The following TTC7A variants were observed in gnomAD, a reference collection of about 807,000 sequenced individuals.
TTC7A encodes the protein tetratricopeptide repeat protein 7A.
A neutral mutation model predicts 103.7 loss-of-function variants in TTC7A; 110 were observed. The observed-to-expected ratio is 1.06, with a 90% CI of 0.91 to 1.24. The LOEUF (loss-of-function observed/expected upper bound fraction) is 1.24. TTC7A is among the 50% of genes most tolerant of loss of function. The pLI is 0.00. For missense variants in TTC7A, 1,340 were observed against 1,116.3 expected (o/e 1.20, Z -2.86); for synonymous variants, 521 against 467.9 (o/e 1.11, Z -1.47).
intron 19 of TTC7A, chr2:47,067,817 T>C (rs1252578489): frequency 6.6e-6 from 1 of 152,260 alleles, no homozygotes; most frequent in African/African-American, 2.4e-5. Flanking sequence ...TGTTTTTCAC[T>C]TTGAAGCATA....
intron 1 of TTC7A, among the ~76,000 whole-genome samples, chr2:46,944,983 GT>G (rs1670808063): frequency 6.6e-6 from 1 of 152,160 alleles, no homozygotes; most frequent in Admixed American, 6.5e-5. Flanking sequence ...TTAGGTCTCT[GT>G]ACCCCACCCA....
chr2:46,958,364 T>C (rs1672071407), intron 3 of TTC7A: 1 of 613,690 alleles, frequency 1.6e-6, no homozygotes, highest in Non-Finnish European at 2.8e-6. Flanking sequence ...GTCTTTCGGG[T>C]CTCTTAGAAA....
rs1417579293 is a variant in TTC7A at position 46,950,530 on chromosome 2, A to G, written c.348+4A>G. 4 of 1,613,906 alleles carry G rather than the reference A, an allele frequency of 2.5e-6. No individual in the cohort carries two copies. In the Admixed American group the frequency reaches 6.7e-5, roughly 27 times the overall value. On this transcript the variant is annotated splice_donor_region_variant and intron_variant, in intron 2 of 19. Transcript: ENST00000319190. ...CCTTAACCATGGGAGGCTCTCGGTAAGTCGTCAGCCTTCAAGCCTGAGACC... is the reference window on the plus strand; with the variant it reads ...CCTTAACCATGGGAGGCTCTCGGTAGGTCGTCAGCCTTCAAGCCTGAGACC...
intron 16 of TTC7A, among the ~76,000 whole-genome samples, chr2:47,049,062 T>TA (rs1008845931): frequency 2.0e-5 from 3 of 152,164 alleles, no homozygotes; most frequent in Admixed American, 6.5e-5. Flanking sequence ...GAGCCTGAGT[T>TA]ACGATGGCAA....
At chr2:46,980,643 G>GC (rs1438950651) in intron 5 of TTC7A, among the ~76,000 whole-genome samples, 1 of 152,174 alleles carries the variant, frequency 6.6e-6, no homozygotes, top group Non-Finnish European at 1.5e-5. Context: ...TAACCGTCAG[G>GC]CTTGATCTGG....
intron 3 of TTC7A, among the ~76,000 whole-genome samples, chr2:46,965,124 A>G (rs1672725668): frequency 6.6e-6 from 1 of 152,110 alleles, no homozygotes; most frequent in Non-Finnish European, 1.5e-5. Flanking sequence ...TGATCTGCAG[A>G]TTCTCCTCTC....
chr2:46,987,891 A>G (rs955188137), intron 5 of TTC7A, among the ~76,000 whole-genome samples: 1 of 151,834 alleles, frequency 6.6e-6, no homozygotes, highest in Non-Finnish European at 1.5e-5. Context: ...AGAGGCAGCA[A>G]AGGCACCTTA....
chr2:46,996,009 G>A (rs1053168214), intron 8 of TTC7A, among the ~76,000 whole-genome samples: 1 of 152,268 alleles, frequency 6.6e-6, no homozygotes, highest in African/African-American at 2.4e-5. Flanking sequence ...CATTGCTCAT[G>A]TCCTGGGCAG....
chr2:46,921,136 G>A (rs982060114), intron 2 of TTC7A, among the ~76,000 whole-genome samples: 3 of 152,130 alleles, frequency 2.0e-5, no homozygotes, highest in Non-Finnish European at 4.4e-5. Context: ...CAACACTATT[G>A]AAAGTGCTTT....
chr2:47,056,784 G>C (rs1310091496), intron 18 of TTC7A, among the ~76,000 whole-genome samples: 2 of 152,102 alleles, frequency 1.3e-5, no homozygotes, highest in African/African-American at 4.8e-5. Flanking sequence ...AAGAGGTCAG[G>C]GGGTAGGCAG....
intron 2 of TTC7A, among the ~76,000 whole-genome samples, chr2:46,917,927 C>G (rs187569659): frequency 6.6e-6 from 1 of 152,348 alleles, no homozygotes; most frequent in Admixed American, 6.5e-5. Flanking sequence ...GCTTCTCAAT[C>G]TATAATTATC....
chr2:47,001,859 CAAAAAA>C (rs397871545), intron 8 of TTC7A, among the ~76,000 whole-genome samples: 4 of 90,482 alleles, frequency 4.4e-5, no homozygotes, highest in Non-Finnish European at 9.8e-5. Context: ...GACTCTGTCT[CAAAAAA>C]AAAAAAAAAA....
chr2:47,068,841 A>G (rs1202679396), intron 19 of TTC7A, among the ~76,000 whole-genome samples: 2 of 143,294 alleles, frequency 1.4e-5, no homozygotes, highest in South Asian at 2.3e-4. Flanking sequence ...TGGCTTAATT[A>G]AGCTCCAGAA....
At chr2:46,978,955 G>A (rs1323574090) in intron 5 of TTC7A, 48 bp downstream of exon 5, 1 of 1,413,406 alleles carries the variant, frequency 7.1e-7, no homozygotes, top group Admixed American at 1.7e-5. Flanking sequence ...CCCCTGGGCT[G>A]AGGCTTTTGA....
intron 5 of TTC7A, among the ~76,000 whole-genome samples, chr2:46,987,668 T>C (rs2104341253): frequency 6.6e-6 from 1 of 152,314 alleles, no homozygotes; most frequent in East Asian, 1.9e-4. Context: ...GTTCTTTTAA[T>C]TTTGTTTTAA....
chr2:46,975,976 A>G (rs914196414), intron 4 of TTC7A, among the ~76,000 whole-genome samples: 4 of 152,130 alleles, frequency 2.6e-5, no homozygotes, highest in Admixed American at 1.3e-4. Flanking sequence ...ACCTCAGGTG[A>G]TCCACCTGCC....
At chr2:47,003,375 A>G (rs939345406) in intron 8 of TTC7A, among the ~76,000 whole-genome samples, 1 of 152,120 alleles carries the variant, frequency 6.6e-6, no homozygotes, top group Non-Finnish European at 1.5e-5. Flanking sequence ...GTGGTCCTGA[A>G]TGGGGTTGTG....
chr2:46,999,010 T>C (rs1314161519), intron 8 of TTC7A, among the ~76,000 whole-genome samples: 4 of 152,200 alleles, frequency 2.6e-5, no homozygotes, highest in Non-Finnish European at 5.9e-5. Flanking sequence ...AAAATCCACA[T>C]ACTTATCATT....
At chr2:46,990,111 T>A (rs1675475556) in intron 5 of TTC7A, among the ~76,000 whole-genome samples, 1 of 152,246 alleles carries the variant, frequency 6.6e-6, no homozygotes, top group Non-Finnish European at 1.5e-5. Context: ...CTCTTCAGCC[T>A]GCTGCTGTTG....
Sources: gnomAD v4.1 joint callset for allele counts (sites outside exome capture counted in the v4.1 genomes callset) on GRCh38, gnomAD v4.1.1 for gene constraint, MANE v1.5 for transcripts, NCBI Gene and HGNC (gene_info 2026-07-23, HGNC 2026-07-21) for gene names.